The following SKI variants were observed in gnomAD, a reference collection of about 807,000 sequenced individuals.
SKI encodes ski oncogene.
Under a neutral mutation model 59.3 loss-of-function variants are expected in SKI, and 23 were observed. The observed-to-expected ratio is 0.39, with a 90% CI of 0.28 to 0.55. The LOEUF (loss-of-function observed/expected upper bound fraction) is 0.55. Among genes scored for constraint, SKI ranks in the 20% least tolerant of loss-of-function variants. SKI has a pLI of 0.67. For missense variants in SKI, 1,017 were observed against 1,038.9 expected (o/e 0.98, Z 0.29); for synonymous variants, 673 against 488.6 (o/e 1.38, Z -4.98).
chr1:2,230,749 C>T (rs765518389), intron 1 of SKI, among the ~76,000 whole-genome samples: 2 of 152,190 alleles, frequency 1.3e-5, no homozygotes, highest in African/African-American at 2.4e-5. Context: ...TATTAAATTG[C>T]ACACACAGAA....
At chr1:2,300,617 C>T (rs1640400637) in intron 1 of SKI, among the ~76,000 whole-genome samples, 1 of 152,230 alleles carries the variant, frequency 6.6e-6, no homozygotes, top group South Asian at 2.1e-4. Context: ...GAGAGTGTCA[C>T]TTCCTCCGCC....
At chr1:2,230,213 G>GCACCCA (rs1638602514) in intron 1 of SKI, among the ~76,000 whole-genome samples, 1 of 152,222 alleles carries the variant, frequency 6.6e-6, no homozygotes, top group Non-Finnish European at 1.5e-5. Context: ...CCTGCCTTTG[G>GCACCCA]GCCCCAGGAG....
intron 1 of SKI, among the ~76,000 whole-genome samples, chr1:2,259,306 G>T (rs1445990124): frequency 6.6e-6 from 1 of 152,210 alleles, no homozygotes; most frequent in Non-Finnish European, 1.5e-5. Flanking sequence ...GTCCCTTACG[G>T]AAAACACTTG....
rs1178674782 is a variant in SKI, at chr1:2,229,721, C to A, written c.955C>A (p.Arg319=). ...EKFDYGNKYK[R]RVPRVSSEPP... Reference sequence around the variant, plus strand: ...ATTCGACTATGGCAACAAGTACAAGCGGCGGGTGCCCCGGGTGAGTGGCCC... The same window carrying A: ...ATTCGACTATGGCAACAAGTACAAGAGGCGGGTGCCCCGGGTGAGTGGCCC... The change falls in exon 1 of 7, where the codon CGG becomes AGG. Residue 319 remains arginine (R), a synonymous_variant. Transcript: ENST00000378536. The surrounding 1 kb of genome is among the most constrained non-coding windows in gnomAD (Gnocchi z 6.3). 1 of 1,567,180 alleles carries A rather than the reference C, an allele frequency of 6.4e-7. No homozygotes were observed. The highest frequency in any genetic ancestry group is 1.9e-5 in the Admixed American group (1 of 52,872).
chr1:2,232,619 A>G (rs1158774115), intron 1 of SKI: 2 of 152,300 alleles, frequency 1.3e-5, no homozygotes, highest in Non-Finnish European at 2.9e-5. Flanking sequence ...GGGCCCGGCC[A>G]GCTTCCTGCT....
rs547313941 is a variant in SKI at position 2,229,815 on chromosome 1, G to A, written c.969+80G>A. 2.8e-4 allele frequency: 427 copies of A among 1,546,622 alleles called. No individual in the cohort carries two copies. The highest frequency in any genetic ancestry group is 3.5e-4 in the Non-Finnish European group (405 of 1,145,306). On this transcript the variant is annotated intron_variant, in intron 1 of 6. Transcript: ENST00000378536. The surrounding 1 kb of genome is among the most constrained non-coding windows in gnomAD (Gnocchi z 6.3). ...TTCTGGACTACAGGCTCTGGTCTCC[G>A]AAGGCTGGGACCTGTGCTTCTGCCG...
intron 1 of SKI, among the ~76,000 whole-genome samples, chr1:2,293,956 G>C (rs1215266046): frequency 6.6e-6 from 1 of 152,258 alleles, no homozygotes; most frequent in East Asian, 1.9e-4. Context: ...CATGTGATGG[G>C]GGCCACTCTG....
At chr1:2,277,527 G>A (rs1223386361) in intron 1 of SKI, among the ~76,000 whole-genome samples, 1 of 152,120 alleles carries the variant, frequency 6.6e-6, no homozygotes, top group Non-Finnish European at 1.5e-5. Context: ...TTCACCACCC[G>A]CCATGATTCT....
At position 2,228,980 on chromosome 1, in the gene SKI, C is replaced by T; in HGVS notation, c.214C>T (p.Pro72Ser). The part of the protein sequence containing the change: ...APVPAATEPP[P>S]VLHLPAIQPP... The stretch of plus-strand genomic sequence containing the variant: ...GGTGCCCGCAGCCACCGAGCCGCCG[C>T]CCGTGCTGCACCTGCCCGCCATCCA... Residue 72 changes from proline (P) to serine (S), a missense_variant, in exon 1 of 7, where the codon CCC becomes TCC. Pro to Ser is a moderately conservative substitution (Grantham distance 74). Coordinates refer to ENST00000378536, the MANE Select transcript of SKI (RefSeq NM_003036.4). The T allele has an allele frequency of 3.4e-6, 5 of 1,475,812 alleles. No homozygotes were observed. The highest frequency in any genetic ancestry group is 1.3e-5 in the South Asian group (1 of 77,962). The allele number at this position is 1,475,812 out of a possible 1,614,324, so 91.4% of individuals were successfully genotyped here.
intron 1 of SKI, among the ~76,000 whole-genome samples, chr1:2,257,364 C>A (rs1639295073): frequency 6.6e-6 from 1 of 152,276 alleles, no homozygotes; most frequent in Non-Finnish European, 1.5e-5. Context: ...CACCTGGGAG[C>A]CCGCGGATGG....
At chr1:2,292,243 C>G (rs1557844362) in intron 1 of SKI, among the ~76,000 whole-genome samples, 1 of 152,168 alleles carries the variant, frequency 6.6e-6, no homozygotes. Context: ...CGGGAGTTGC[C>G]ACGTAGGAGA....
intron 5 of SKI, 47 bp downstream of exon 5, chr1:2,304,632 G>T: frequency 1.3e-6 from 2 of 1,509,378 alleles, no homozygotes; most frequent in Non-Finnish European, 1.8e-6. Context: ...CGGGCAGTGA[G>T]CACAGCCTGC....
At chr1:2,298,794 A>G (rs1032616074) in intron 1 of SKI, among the ~76,000 whole-genome samples, 2 of 152,232 alleles carry the variant, frequency 1.3e-5, no homozygotes, top group Non-Finnish European at 2.9e-5. Context: ...TCATCAGTCA[A>G]AAGCAAGAAT....
intron 1 of SKI, among the ~76,000 whole-genome samples, chr1:2,271,143 T>G (rs1382784922): frequency 1.3e-5 from 2 of 151,960 alleles, no homozygotes; most frequent in East Asian, 3.9e-4. Flanking sequence ...CTGGGCTCCT[T>G]TGTGATTGGC....
At chr1:2,274,258 T>C (rs909368070) in intron 1 of SKI, among the ~76,000 whole-genome samples, 8 of 152,134 alleles carry the variant, frequency 5.3e-5, no homozygotes, top group Non-Finnish European at 8.8e-5. Context: ...AGACACAAAC[T>C]TTTCATCAGT....
At chr1:2,263,571 G>T (rs1024684084) in intron 1 of SKI, among the ~76,000 whole-genome samples, 2 of 151,878 alleles carry the variant, frequency 1.3e-5, no homozygotes, top group Non-Finnish European at 2.9e-5. Context: ...AGGGATGTTG[G>T]TGTGTGTTTT....
At chr1:2,272,478 A>T (rs968519841) in intron 1 of SKI, among the ~76,000 whole-genome samples, 2 of 152,134 alleles carry the variant, frequency 1.3e-5, no homozygotes, top group African/African-American at 4.8e-5. Flanking sequence ...AGCGGCACTG[A>T]ATGGCAGTGG....
chr1:2,300,584 A>G (rs115496290), intron 1 of SKI, among the ~76,000 whole-genome samples: 1 of 152,168 alleles, frequency 6.6e-6, no homozygotes, highest in Admixed American at 6.5e-5. Context: ...AGAAACCAAT[A>G]CTGCTCAGGT....
At chr1:2,295,444 G>A (rs1425926642) in intron 1 of SKI, among the ~76,000 whole-genome samples, 1 of 152,210 alleles carries the variant, frequency 6.6e-6, no homozygotes, top group Admixed American at 6.5e-5. Context: ...CACAGAATAT[G>A]GTTTAATGGT....
Sources: gnomAD v4.1 joint callset for allele counts (sites outside exome capture counted in the v4.1 genomes callset) on GRCh38, gnomAD v4.1.1 for gene constraint, Gnocchi (gnomAD v3.1) non-coding constraint, MANE v1.5 for transcripts, NCBI Gene and HGNC (gene_info 2026-07-23, HGNC 2026-07-21) for gene names.